Variants in CDC27 observed in about 807,000 individuals in gnomAD.
The protein encoded by CDC27 is cell division cycle 27.
In CDC27, 27 loss-of-function variants were observed where a neutral mutation model predicts 109.7. That is an observed-to-expected ratio of 0.25 (90% CI 0.18 to 0.34). The LOEUF (loss-of-function observed/expected upper bound fraction) is 0.34. Among genes scored for constraint, CDC27 ranks in the 10% least tolerant of loss-of-function variants. CDC27 has a pLI of 1.00. For synonymous variants in CDC27, 266 were observed against 333.9 expected (o/e 0.80, Z 2.22); for missense variants, 579 against 960.2 (o/e 0.60, Z 5.25).
chr17:47,146,693 T>G lies in CDC27; in HGVS notation c.1071-2711A>C, dbSNP rs551270080. Among the ~76,000 whole-genome samples, 6 of 152,278 alleles carry G rather than the reference T, an allele frequency of 3.9e-5. No homozygotes were observed. The East Asian group carries it at 1.2e-3, about 29-fold the overall frequency. ...GTAAGACCTGAAGGGATCAAGCTGT[T>G]TCCAAGCAACTTTACTGCATCTCAG... On this transcript the variant is annotated intron_variant, in intron 9 of 18. Coordinates refer to ENST00000066544, the MANE Select transcript of CDC27 (RefSeq NM_001256.6).
intron 4 of CDC27, among the ~76,000 whole-genome samples, chr17:47,163,226 C>CA (rs35234493): frequency 0.36 from 53,775 of 151,424 alleles, 10,051 homozygotes; most frequent in Admixed American, 0.43. Context: ...GACAAAAAGA[C>CA]AAAAAAAAGT....
intron 9 of CDC27, among the ~76,000 whole-genome samples, chr17:47,146,979 C>T (rs2062976883): frequency 6.6e-6 from 1 of 152,144 alleles, no homozygotes; most frequent in South Asian, 2.1e-4. Flanking sequence ...GGGAGGACTT[C>T]TTGAGCCCAG....
intron 3 of CDC27, among the ~76,000 whole-genome samples, chr17:47,170,750 T>A (rs1457452506): frequency 1.3e-5 from 2 of 152,102 alleles, no homozygotes; most frequent in East Asian, 3.8e-4. Flanking sequence ...CCTTTTTACT[T>A]CCTTAAAATA....
At chr17:47,127,082 C>T (rs1276530855) in intron 16 of CDC27, among the ~76,000 whole-genome samples, 4 of 152,202 alleles carry the variant, frequency 2.6e-5, no homozygotes, top group South Asian at 2.1e-4. Context: ...GCATGGGCCA[C>T]GGCACCTGGC....
intron 15 of CDC27, among the ~76,000 whole-genome samples, chr17:47,130,071 G>T (rs186989015): frequency 6.6e-6 from 1 of 152,284 alleles, no homozygotes; most frequent in East Asian, 1.9e-4. Flanking sequence ...TTTGAAAAAT[G>T]ATTTTACTGG....
chr17:47,174,077 G>A (rs1282662481), intron 2 of CDC27, among the ~76,000 whole-genome samples: 1 of 152,244 alleles, frequency 6.6e-6, no homozygotes, highest in Non-Finnish European at 1.5e-5. Flanking sequence ...CTGGGTGACA[G>A]AGTGAGATTC....
chr17:47,125,000 C>A (rs2062090265), intron 16 of CDC27, among the ~76,000 whole-genome samples: 1 of 151,946 alleles, frequency 6.6e-6, no homozygotes, highest in African/African-American at 2.4e-5. Flanking sequence ...TCACTGCAAC[C>A]TCTGCCTCCT....
chr17:47,138,499 C>T (rs3815040), intron 13 of CDC27, among the ~76,000 whole-genome samples: 2,336 of 152,242 alleles, frequency 0.015, 24 homozygotes, highest in Non-Finnish European at 0.02. Context: ...GCAAATTTAA[C>T]GTAGTCAAAT....
At chr17:47,187,963 G>A (rs775887564) in intron 1 of CDC27, among the ~76,000 whole-genome samples, 51 of 151,842 alleles carry the variant, frequency 3.4e-4, no homozygotes, top group African/African-American at 2.4e-4. Context: ...ATAATCTTAC[G>A]TTTTATTAAT....
intron 2 of CDC27, among the ~76,000 whole-genome samples, chr17:47,172,835 A>C (rs1039114595): frequency 6.6e-6 from 1 of 152,234 alleles, no homozygotes; most frequent in African/African-American, 2.4e-5. Flanking sequence ...AACAACAAAG[A>C]GGATGGAAAG....
chr17:47,127,852 G>A (rs947132530), intron 16 of CDC27, among the ~76,000 whole-genome samples: 2 of 151,160 alleles, frequency 1.3e-5, no homozygotes, highest in Admixed American at 6.6e-5. Flanking sequence ...ACAGGCACAC[G>A]TCACCACACC....
chr17:47,145,606 A>G (rs935656713), intron 9 of CDC27, among the ~76,000 whole-genome samples: 38 of 152,116 alleles, frequency 2.5e-4, no homozygotes, highest in African/African-American at 9.2e-4. Context: ...GCTGTGCTGT[A>G]AAGGTCAACC....
At chr17:47,169,282 C>T (rs907071887) in intron 4 of CDC27, among the ~76,000 whole-genome samples, 4 of 152,038 alleles carry the variant, frequency 2.6e-5, no homozygotes, top group Non-Finnish European at 2.9e-5. Flanking sequence ...TGAGACAATG[C>T]ACCTGGCTAT....
intron 16 of CDC27, among the ~76,000 whole-genome samples, chr17:47,127,940 CAT>C (rs1277151827): frequency 1.3e-4 from 20 of 151,618 alleles, no homozygotes; most frequent in Non-Finnish European, 2.4e-4. Context: ...TCCGTGGACT[CAT>C]GTGATCTGCC....
chr17:47,157,531 C>T, intron 5 of CDC27, 147 bp from the exon 6 acceptor site: 1 of 523,532 alleles, frequency 1.9e-6, no homozygotes, highest in Admixed American at 3.6e-5. Context: ...AAATTTACCC[C>T]CAAAAAACCC....
At position 47,141,960 on chromosome 17, in the gene CDC27, T is replaced by C; in HGVS notation, c.1444A>G (p.Lys482Glu). Residue 482 changes from lysine to glutamate, a missense_variant, in exon 12 of 19, where the codon AAA (lysine) becomes GAA (glutamate). Lys to Glu is a moderately conservative substitution (Grantham distance 56). This residue lies in a region of CDC27 where 58 missense variants were observed against 116.6 expected (regional missense o/e 0.50). Coordinates refer to ENST00000066544, the MANE Select transcript of CDC27 (RefSeq NM_001256.6). ...GYLALCSYNC[K>E]EAINILSHLP... ...TGGCTCAAAATATTTATAGCTTCTTTGCAGTTGTATGAACACAAAGCTAAA... is the reference window on the plus strand; with the variant it reads ...TGGCTCAAAATATTTATAGCTTCTTCGCAGTTGTATGAACACAAAGCTAAA... 6.2e-7 allele frequency: 1 copy of C among 1,608,776 alleles called. No individual in the cohort carries two copies. The highest frequency in any genetic ancestry group is 8.5e-7 in the Non-Finnish European group (1 of 1,176,424).
At chr17:47,148,757 T>C (rs1434881362) in intron 9 of CDC27, among the ~76,000 whole-genome samples, 2 of 152,032 alleles carry the variant, frequency 1.3e-5, no homozygotes, top group Admixed American at 1.3e-4. Flanking sequence ...AAAAAACCAG[T>C]AAAGCAACAT....
chr17:47,130,474 T>A (rs1310093461), intron 15 of CDC27, among the ~76,000 whole-genome samples: 3 of 152,250 alleles, frequency 2.0e-5, no homozygotes, highest in African/African-American at 7.2e-5. Flanking sequence ...TAAGATATTT[T>A]AAATAACTTA....
intron 1 of CDC27, chr17:47,188,854 G>A (rs1255578390): frequency 3.0e-6 from 4 of 1,312,830 alleles, no homozygotes; most frequent in Non-Finnish European, 3.9e-6. Context: ...CCCCAGTCAA[G>A]CCAGGCCCCT....
Sources: gnomAD v4.1 joint callset for allele counts (sites outside exome capture counted in the v4.1 genomes callset) on GRCh38, gnomAD v4.1.1 for gene constraint, gnomAD v4.1.1 regional missense constraint, MANE v1.5 for transcripts, NCBI Gene and HGNC (gene_info 2026-07-23, HGNC 2026-07-21) for gene names.